The following THEMIS variants were observed in gnomAD, a reference collection of about 807,000 sequenced individuals.
THEMIS encodes thymocyte selection associated, also known as protein THEMIS.
Under a neutral mutation model 52.6 loss-of-function variants are expected in THEMIS, and 37 were observed. The ratio of observed to expected loss-of-function variants is 0.70; its 90% CI spans 0.54 to 0.93. THEMIS has a LOEUF of 0.93. Among genes scored for constraint, THEMIS ranks in the 40% least tolerant of loss-of-function variants. The probability of loss-of-function intolerance (pLI) is 0.00; values close to 1 mark genes in which losing one functional copy is unlikely to be tolerated. For missense variants in THEMIS, 808 were observed against 763.1 expected (o/e 1.06, Z -0.69); for synonymous variants, 292 against 272.7 (o/e 1.07, Z -0.70).
At chr6:127,772,965 G>A (rs1776437662) in intron 4 of THEMIS, among the ~76,000 whole-genome samples, 1 of 152,160 alleles carries the variant, frequency 6.6e-6, no homozygotes, top group African/African-American at 2.4e-5. Context: ...AAATGGTTAT[G>A]TTAAATCAAC....
intron 4 of THEMIS, among the ~76,000 whole-genome samples, chr6:127,773,928 T>TGC (rs1776471189): frequency 6.6e-6 from 1 of 151,552 alleles, no homozygotes; most frequent in Non-Finnish European, 1.5e-5. Context: ...AACTTAATAA[T>TGC]TTAAAACGAG....
chr6:127,854,689 G>A (rs989238640), intron 2 of THEMIS, among the ~76,000 whole-genome samples: 27 of 151,714 alleles, frequency 1.8e-4, no homozygotes, highest in Non-Finnish European at 4.4e-5. Flanking sequence ...CTTAAATGAT[G>A]TTACTTAGTT....
chr6:127,817,570 T>C (rs1778179630), intron 3 of THEMIS, among the ~76,000 whole-genome samples: 1 of 152,144 alleles, frequency 6.6e-6, no homozygotes, highest in South Asian at 2.1e-4. Flanking sequence ...GGCAAAATCA[T>C]GATATAGATG....
chr6:127,848,897 T>C (rs1405243121), intron 2 of THEMIS, among the ~76,000 whole-genome samples: 1 of 152,152 alleles, frequency 6.6e-6, no homozygotes, highest in Non-Finnish European at 1.5e-5. Context: ...CTGATGGTAG[T>C]TTCTTTTGCT....
At chr6:127,780,778 T>C (rs999744149) in intron 4 of THEMIS, among the ~76,000 whole-genome samples, 3 of 152,254 alleles carry the variant, frequency 2.0e-5, no homozygotes, top group Non-Finnish European at 2.9e-5. Flanking sequence ...GTTAGTCTGA[T>C]AGGCTTCTCT....
intron 1 of THEMIS, among the ~76,000 whole-genome samples, chr6:127,898,788 T>TA (rs1195534180): frequency 1.3e-5 from 2 of 151,974 alleles, no homozygotes; most frequent in East Asian, 3.9e-4. Context: ...TATTCAGCCA[T>TA]AAAAAAGAAT....
At chr6:127,714,749 A>C (rs1336122559) in intron 5 of THEMIS, among the ~76,000 whole-genome samples, 1 of 151,878 alleles carries the variant, frequency 6.6e-6, no homozygotes, top group Non-Finnish European at 1.5e-5. Context: ...CACCTCATGG[A>C]ATAGTTTCCC....
At chr6:127,849,008 T>C (rs1408273944) in intron 2 of THEMIS, among the ~76,000 whole-genome samples, 3 of 152,144 alleles carry the variant, frequency 2.0e-5, no homozygotes, top group African/African-American at 4.8e-5. Context: ...CCCATGCCTA[T>C]GTCCTGAATG....
At chr6:127,892,273 T>G (rs1780835589) in intron 1 of THEMIS, among the ~76,000 whole-genome samples, 1 of 152,198 alleles carries the variant, frequency 6.6e-6, no homozygotes, top group Admixed American at 6.5e-5. Flanking sequence ...ACTTGTTCTG[T>G]CCTCAGCAGG....
intron 1 of THEMIS, among the ~76,000 whole-genome samples, chr6:127,907,627 C>T (rs575064005): frequency 6.6e-6 from 1 of 151,726 alleles, no homozygotes; most frequent in South Asian, 2.1e-4. Context: ...AGGCAGTTGT[C>T]TCAGCTAAAT....
At chr6:127,824,521 C>T (rs970349487) in intron 3 of THEMIS, among the ~76,000 whole-genome samples, 2 of 151,838 alleles carry the variant, frequency 1.3e-5, no homozygotes, top group Non-Finnish European at 1.5e-5. Context: ...CAACTGACCC[C>T]TGTAAATATG....
In THEMIS at chr6:127,813,590, T is replaced by C. The variant is rs1426791292; in HGVS notation, c.1051A>G (p.Thr351Ala). The part of the protein sequence containing the change: ...KFKRRPREFP[T>A]AYDLEIAKSE... ...TTAGCGATCTCTAGGTCATAGGCCG[T>C]TGGGAACTCCCTCGGTCGCCGCTTG... Residue 351 changes from threonine (T) to alanine (A), a missense_variant, in exon 4 of 6, where the codon ACG becomes GCG. Transcript: ENST00000368248. 1 of 1,614,078 alleles carries C rather than the reference T, an allele frequency of 6.2e-7. No homozygotes were observed.
chr6:127,865,110 A>G (rs1384692722), intron 1 of THEMIS, among the ~76,000 whole-genome samples: 2 of 152,158 alleles, frequency 1.3e-5, no homozygotes, highest in Non-Finnish European at 1.5e-5. Flanking sequence ...TGGAGTGCAC[A>G]CACAACTGAC....
At chr6:127,825,374 C>T (rs571319468) in intron 3 of THEMIS, among the ~76,000 whole-genome samples, 1 of 152,300 alleles carries the variant, frequency 6.6e-6, no homozygotes, top group East Asian at 1.9e-4. Flanking sequence ...CGTATAATCT[C>T]TCCAAGACGA....
chr6:127,837,650 A>C (rs1032651786), intron 2 of THEMIS, among the ~76,000 whole-genome samples: 3 of 151,956 alleles, frequency 2.0e-5, no homozygotes, highest in African/African-American at 7.2e-5. Context: ...ATATATTCTC[A>C]AAAAAATTTT....
At chr6:127,786,548 A>G (rs1019484733) in intron 4 of THEMIS, among the ~76,000 whole-genome samples, 3 of 152,212 alleles carry the variant, frequency 2.0e-5, no homozygotes, top group African/African-American at 7.2e-5. Flanking sequence ...ACCAAGTACT[A>G]TTCTAAGTGG....
intron 1 of THEMIS, among the ~76,000 whole-genome samples, chr6:127,888,110 C>T (rs898815476): frequency 6.6e-6 from 1 of 152,006 alleles, no homozygotes; most frequent in African/African-American, 2.4e-5. Context: ...GTGAACAAAG[C>T]TTTAAGGCAG....
intron 4 of THEMIS, among the ~76,000 whole-genome samples, chr6:127,790,899 A>G (rs1002271326): frequency 6.6e-6 from 1 of 152,210 alleles, no homozygotes; most frequent in Non-Finnish European, 1.5e-5. Flanking sequence ...AGTAGCTTCC[A>G]TGGCTGGCAC....
At chr6:127,750,554 G>A (rs1381664605) in intron 4 of THEMIS, among the ~76,000 whole-genome samples, 1 of 151,742 alleles carries the variant, frequency 6.6e-6, no homozygotes, top group South Asian at 2.1e-4. Context: ...TTTAGTAAAG[G>A]TATGTATTTG....
Sources: allele counts gnomAD v4.1 joint callset (sites outside exome capture counted in the v4.1 genomes callset), GRCh38; gene constraint gnomAD v4.1.1; transcripts MANE v1.5; gene names NCBI Gene and HGNC (gene_info 2026-07-23, HGNC 2026-07-21).